The following ARPC2 variants were observed in gnomAD, a reference collection of about 807,000 sequenced individuals.
ARPC2 encodes actin-related protein 2/3 complex subunit 2.
A neutral mutation model predicts 38.6 loss-of-function variants in ARPC2; 4 were observed. That is an observed-to-expected ratio of 0.10 (90% CI 0.05 to 0.24). ARPC2 has a LOEUF of 0.24. Ranked by LOEUF, ARPC2 falls within the 10% of genes least tolerant of loss-of-function variation. The pLI is 1.00. For synonymous variants in ARPC2, 125 were observed against 140.8 expected (o/e 0.89, Z 0.79); for missense variants, 229 against 387.3 (o/e 0.59, Z 3.43).
chr2:218,246,923 A>G lies in ARPC2; in HGVS notation c.676+1377A>G, dbSNP rs140564662. On this transcript the variant is annotated intron_variant, in intron 8 of 10. Transcript: ENST00000315717. ...AACCCAGAAAGTGGAGGTTGCAGCA[A>G]GCCGAGATCATCCTGCTGCGCTCCA... 2.1e-3 allele frequency among the ~76,000 whole-genome samples: 323 copies of G among 152,324 alleles called. 2 individuals are homozygous for G. Among genetic ancestry groups the G allele is most frequent in the Admixed American group, 5.2e-3 (79 of 15,304 alleles).
chr2:218,226,070 G>A (rs1487263086), intron 3 of ARPC2, 116 bp downstream of exon 3: 7 of 979,344 alleles, frequency 7.1e-6, no homozygotes, highest in African/African-American at 6.5e-5. Context: ...CGAGGCAGGT[G>A]GATCACCTGA....
intron 8 of ARPC2, among the ~76,000 whole-genome samples, chr2:218,248,089 A>G (rs1239856766): frequency 6.6e-6 from 1 of 151,618 alleles, no homozygotes; most frequent in Non-Finnish European, 1.5e-5. Flanking sequence ...CAGCTATACC[A>G]TTTTTTTCAA....
intron 1 of ARPC2, 95 bp downstream of exon 1, chr2:218,217,349 C>T (rs1011722301): frequency 2.9e-5 from 27 of 923,000 alleles, no homozygotes; most frequent in African/African-American, 4.9e-5. Context: ...TCCCCTTCTC[C>T]CCTAACCTCC....
chr2:218,219,028 G>T (rs916474981), intron 2 of ARPC2, among the ~76,000 whole-genome samples: 2 of 152,100 alleles, frequency 1.3e-5, no homozygotes, highest in Admixed American at 1.3e-4. Flanking sequence ...GTAACACATA[G>T]GAGGAAGTTG....
intron 4 of ARPC2, among the ~76,000 whole-genome samples, chr2:218,232,632 C>T (rs780996841): frequency 8.8e-5 from 13 of 147,960 alleles, no homozygotes; most frequent in Non-Finnish European, 1.3e-4. Context: ...TGCAGTGGCG[C>T]GATCTCACCT....
At chr2:218,246,536 A>G (rs1394000674) in intron 8 of ARPC2, among the ~76,000 whole-genome samples, 1 of 151,998 alleles carries the variant, frequency 6.6e-6, no homozygotes, top group African/African-American at 2.4e-5. Flanking sequence ...TCTCAAAAAG[A>G]AAAAAGAAAA....
chr2:218,234,513 G>A (rs934168633), intron 5 of ARPC2, 116 bp downstream of exon 5: 25 of 873,472 alleles, frequency 2.9e-5, no homozygotes, highest in Middle Eastern at 4.6e-4. Flanking sequence ...ATTTCTGCAT[G>A]AGCCCATTCC....
chr2:218,233,452 G>A (rs1285008185), intron 4 of ARPC2: 2 of 151,098 alleles, frequency 1.3e-5, no homozygotes, highest in Non-Finnish European at 3.0e-5. Context: ...GGTTTTTTTT[G>A]TTGTTGTTTT....
intron 2 of ARPC2, among the ~76,000 whole-genome samples, chr2:218,222,041 G>A (rs1689394311): frequency 6.6e-6 from 1 of 152,204 alleles, no homozygotes. Context: ...GCCAAGGAGG[G>A]CGGATCACTT....
chr2:218,247,592 T>C (rs1690071930), intron 8 of ARPC2, among the ~76,000 whole-genome samples: 1 of 152,228 alleles, frequency 6.6e-6, no homozygotes, highest in East Asian at 1.9e-4. Flanking sequence ...GCTTCCCAGG[T>C]AGCTGGGACC....
At chr2:218,239,367 C>T (rs765971436) in intron 6 of ARPC2, 24 bp from the exon 7 acceptor site, 11 of 1,536,866 alleles carry the variant, frequency 7.2e-6, no homozygotes, top group Non-Finnish European at 9.9e-6. Context: ...CTGTACTTAT[C>T]CTCATGGATT....
At chr2:218,223,873 C>A (rs1689436967) in intron 2 of ARPC2, among the ~76,000 whole-genome samples, 1 of 152,158 alleles carries the variant, frequency 6.6e-6, no homozygotes, top group Admixed American at 6.5e-5. Flanking sequence ...TAATTTTAAA[C>A]CACAGAAGTA....
intron 6 of ARPC2, 70 bp from the exon 7 acceptor site, chr2:218,239,321 T>C: frequency 9.1e-7 from 1 of 1,097,590 alleles, no homozygotes; most frequent in African/African-American, 1.5e-5. Flanking sequence ...CTGATGTACT[T>C]GTAGATCAAG....
At chr2:218,225,819 A>T in intron 2 of ARPC2, 101 bp from the exon 3 acceptor site, 1 of 1,089,884 alleles carries the variant, frequency 9.2e-7, no homozygotes, top group African/African-American at 1.6e-5. Context: ...TTTATACAGA[A>T]TGGTCTGATC....
rs1327839949 is a variant in ARPC2, at chr2:218,251,159, G to GTACTGT, written c.878+1239_878+1240insACTGTT. On this transcript the variant is annotated intron_variant, in intron 10 of 10. Transcript: ENST00000315717. ...AGGTCATAAGCCTCCCTCACAGCCA[G>GTACTGT]TGTTATTTGCCAGCACCCCAGTACT... is the stretch of plus-strand genomic sequence containing the variant. Among the ~76,000 whole-genome samples the GTACTGT allele has an allele frequency of 6.7e-4, 102 of 152,162 alleles. 2 individuals are homozygous for GTACTGT. The South Asian group carries it at 0.02, about 30-fold the overall frequency.
chr2:218,247,944 A>G (rs1191971490), intron 8 of ARPC2, among the ~76,000 whole-genome samples: 1 of 23,508 alleles, frequency 4.3e-5, no homozygotes, highest in Non-Finnish European at 6.5e-4. Context: ...CTCCGTCTCA[A>G]AAAAAATTAA....
At chr2:218,237,120 C>A (rs1473189904) in intron 5 of ARPC2, among the ~76,000 whole-genome samples, 1 of 152,206 alleles carries the variant, frequency 6.6e-6, no homozygotes, top group African/African-American at 2.4e-5. Context: ...TCATGTTCCA[C>A]ACACTTTAAG....
chr2:218,217,396 G>T (rs2271541), intron 1 of ARPC2, 67 bp from the exon 2 acceptor site: 737,545 of 1,487,306 alleles, frequency 0.5, 188,826 homozygotes, highest in South Asian at 0.62. Flanking sequence ...CAGCAGGGCC[G>T]CTCCCTCCGT....
intron 8 of ARPC2, among the ~76,000 whole-genome samples, chr2:218,246,454 C>G (rs987572300): frequency 3.3e-5 from 5 of 152,100 alleles, no homozygotes; most frequent in African/African-American, 1.2e-4. Flanking sequence ...CCCTTGGACC[C>G]AGGAGGCGGA....
Sources: allele counts gnomAD v4.1 joint callset (sites outside exome capture counted in the v4.1 genomes callset), GRCh38; gene constraint gnomAD v4.1.1; transcripts MANE v1.5; gene names NCBI Gene and HGNC (gene_info 2026-07-23, HGNC 2026-07-21).